MRPL44: variants seen among roughly 807,000 people sequenced by gnomAD.
MRPL44 encodes the protein large ribosomal subunit protein mL44.
MRPL44 carries 21 observed loss-of-function variants against 25.9 expected under a neutral mutation model. The ratio of observed to expected loss-of-function variants is 0.81; its 90% confidence interval spans 0.58 to 1.17. The LOEUF (loss-of-function observed/expected upper bound fraction) is 1.17, where lower values mean the gene tolerates loss of function less well. Among genes scored for constraint, MRPL44 ranks in the 50% most tolerant of loss-of-function variants. The probability of loss-of-function intolerance (pLI) is 0.00; values close to 1 mark genes in which losing one functional copy is unlikely to be tolerated. For synonymous variants in MRPL44, 169 were observed against 151.0 expected, an observed-to-expected ratio of 1.12 and a Z score of -0.87; for missense variants, 410 against 398.9, an observed-to-expected ratio of 1.03 and a Z score of -0.24.
chr2:223,958,300 C>T (rs1437557464), intron 1 of MRPL44, among the ~76,000 whole-genome samples: 1 of 152,086 alleles, frequency 6.6e-6, no homozygotes, highest in Admixed American at 6.5e-5. Flanking sequence ...CCTATGAGCT[C>T]CATATTATTG....
Position 223,967,160 on chromosome 2 carries a change from C to T in MRPL44, c.*126C>T. ...TTTGTTTCTGTTTTTTACTGTGTTCCCAAAATTAAATAAGTGTTAACCAAG... is the reference window on the plus strand; with the variant it reads ...TTTGTTTCTGTTTTTTACTGTGTTCTCAAAATTAAATAAGTGTTAACCAAG... On this transcript the variant is annotated 3_prime_UTR_variant, in exon 4 of 4. Coordinates refer to ENST00000258383, the MANE Select transcript of MRPL44 (RefSeq NM_022915.5). 1.0e-6 allele frequency: 1 copy of T among 960,136 alleles called. No individual in the cohort carries two copies. The highest frequency in any genetic ancestry group is 2.1e-5 in the South Asian group (1 of 46,700). 59.5% of individuals were successfully genotyped at this position (960,136 alleles called of 1,614,324 possible).
chr2:223,959,498 T>A (rs1316023655), intron 1 of MRPL44, 36 bp from the exon 2 acceptor site: 3 of 1,484,406 alleles, frequency 2.0e-6, no homozygotes, highest in Non-Finnish European at 2.8e-6. Context: ...AACAGGTTGT[T>A]CTCTTTACCA....
chr2:223,963,823 G>T lies in MRPL44; in HGVS notation c.716G>T (p.Gly239Val), dbSNP rs377218026. ...ATGTGGAAGATAATAAATCCCATGG[G>T]GCTATTGGTAGAAGAACTGAAGAAA... ...FEMWKIINPM[G>V]LLVEELKKRN... Residue 239 changes from glycine (G) to valine (V), a missense_variant, in exon 3 of 4, where the codon GGG becomes GTG. Gly to Val is a moderately radical substitution (Grantham distance 109). Coordinates refer to ENST00000258383, the MANE Select transcript of MRPL44 (RefSeq NM_022915.5). The T allele has an allele frequency of 6.8e-6, 11 of 1,613,722 alleles. No individual in the cohort carries two copies. The highest frequency in any genetic ancestry group is 8.5e-6 in the Non-Finnish European group (10 of 1,179,814).
upstream of MRPL44, among the ~76,000 whole-genome samples, chr2:223,957,175 T>C (rs1689575334): frequency 2.0e-5 from 3 of 152,128 alleles, no homozygotes; most frequent in South Asian, 6.2e-4. Context: ...AACAAGAGAG[T>C]GACAGGGTGA....
chr2:223,963,765 A>G lies in MRPL44; in HGVS notation c.658A>G (p.Ile220Val). ...ATATTTTTATATGCAGGACTTCTTA[A>G]TTACTCAAATGACTGGAAAAGAGCT... ...RTALFIRDFL[I>V]TQMTGKELFE... Residue 220 changes from isoleucine to valine, a missense_variant, in exon 3 of 4, where the codon ATT becomes GTT. Transcript: ENST00000258383. 6.3e-7 allele frequency: 1 copy of G among 1,589,136 alleles called. No individual in the cohort carries two copies. Among genetic ancestry groups the G allele is most frequent in the South Asian group, 1.2e-5 (1 of 85,618 alleles).
rs1689762465 is a variant in MRPL44, at chr2:223,967,477, C to T, written c.*443C>T. 1 of 153,390 alleles carries T rather than the reference C, an allele frequency of 6.5e-6. No homozygotes were observed. Among genetic ancestry groups the T allele is most frequent in the Admixed American group, 6.5e-5 (1 of 15,402 alleles). The allele number at this position is 153,390 out of a possible 1,614,324, so 9.5% of individuals were successfully genotyped here. A position where few individuals can be genotyped will look rare whatever the true frequency, so the allele number is the denominator to read the frequency against. On this transcript the variant is annotated 3_prime_UTR_variant, in exon 4 of 4. Transcript: ENST00000258383. ...TGAACTCCTGACCTCAGGTGATCCA[C>T]CCGCCTTGGCCTCCCAAAGTGCTGG...
chr2:223,952,653 GAACCTAACTTGATATGT>G (rs1450293208), upstream of MRPL44, among the ~76,000 whole-genome samples: 4 of 152,166 alleles, frequency 2.6e-5, no homozygotes, highest in African/African-American at 9.7e-5. Flanking sequence ...AGTACACAGT[GAACCTAACTTGATATGT>G]AACCTAACTT....
chr2:223,959,516 C>G lies in MRPL44; in HGVS notation c.180-18C>G. The G allele has an allele frequency of 1.9e-6, 3 of 1,575,294 alleles. No individual in the cohort carries two copies. In the Admixed American group the frequency reaches 5.5e-5, roughly 29 times the overall value. ...AGGTTGTTCTCTTTACCATCTCTTA[C>G]TGTCTTTACATTTTCAGTTCAGAGA... On this transcript the variant is annotated intron_variant, in intron 1 of 3. Coordinates refer to ENST00000258383, the MANE Select transcript of MRPL44 (RefSeq NM_022915.5).
upstream of MRPL44, chr2:223,957,267 T>G (rs16865355): frequency 0.019 from 11,788 of 621,940 alleles, 1,045 homozygotes; most frequent in African/African-American, 0.19. Context: ...AGGAGAGAAC[T>G]AGCGCAAGCG....
In MRPL44 at chr2:223,963,757, A is replaced by G; in HGVS notation, c.650A>G (p.Asp217Gly). Residue 217 changes from aspartate to glycine, a missense_variant and splice_region_variant, in exon 3 of 4, where the codon GAC becomes GGC. Transcript: ENST00000258383. ...GPERTALFIR[D>G]FLITQMTGKE... ...TATAAATTATATTTTTATATGCAGG[A>G]CTTCTTAATTACTCAAATGACTGGA... The G allele has an allele frequency of 1.3e-6, 2 of 1,570,440 alleles. No homozygotes were observed. Among genetic ancestry groups the G allele is most frequent in the Non-Finnish European group, 1.7e-6 (2 of 1,159,376 alleles).
chr2:223,955,782 T>A (rs370444823), upstream of MRPL44, among the ~76,000 whole-genome samples: 5 of 152,328 alleles, frequency 3.3e-5, no homozygotes, highest in East Asian at 1.9e-4. Flanking sequence ...GAAAAACACA[T>A]TGGCCTTTTT....
At chr2:223,960,416 A>G (rs900776004) in intron 2 of MRPL44, among the ~76,000 whole-genome samples, 4 of 151,860 alleles carry the variant, frequency 2.6e-5, no homozygotes, top group Non-Finnish European at 5.9e-5. Flanking sequence ...CTAATGTAAA[A>G]CTCTTTGTTA....
At chr2:223,961,507 A>C (rs907232608) in intron 2 of MRPL44, among the ~76,000 whole-genome samples, 1 of 152,216 alleles carries the variant, frequency 6.6e-6, no homozygotes, top group African/African-American at 2.4e-5. Flanking sequence ...ACCCCCTCAG[A>C]GTACATAATC....
At chr2:223,957,448 G>A (rs747853187), upstream of MRPL44, 1 of 1,613,988 alleles carries the variant, frequency 6.2e-7, no homozygotes, top group African/African-American at 1.3e-5. Context: ...CTTTCGTTCC[G>A]TCTTCCATCG....
intron 1 of MRPL44, among the ~76,000 whole-genome samples, chr2:223,958,782 G>A (rs1388544374): frequency 1.3e-5 from 2 of 152,162 alleles, no homozygotes; most frequent in African/African-American, 4.8e-5. Flanking sequence ...AATAAAACGA[G>A]TCACATGACT....
intron 1 of MRPL44, among the ~76,000 whole-genome samples, chr2:223,957,886 C>G (rs1208303342): frequency 6.6e-6 from 1 of 152,158 alleles, no homozygotes; most frequent in Non-Finnish European, 1.5e-5. Context: ...AGGATTTTGG[C>G]TACTGAAAAT....
chr2:223,951,479 T>TTTTTTTTTGTTTTGTTTTTTG, the MRPL44 span, among the ~76,000 whole-genome samples: 5 of 71,190 alleles, frequency 7.0e-5, no homozygotes, highest in African/African-American at 2.7e-4. Context: ...TACCTTGGAG[T>TTTTTTTTTGTTTTGTTTTTTG]TTTTTTTTTT....
At position 223,959,882 on chromosome 2, in the gene MRPL44, G is replaced by A; in HGVS notation, c.528G>A (p.Glu176=). 6.2e-7 allele frequency: 1 copy of A among 1,614,200 alleles called. No individual in the cohort carries two copies. The highest frequency in any genetic ancestry group is 1.1e-5 in the South Asian group (1 of 91,084). ...ACGTGGCTAGAAACTTGGCTGTGGA[G>A]CAGTTAACACTGAGTGAAGAATTCC... The part of the protein sequence containing the change: ...VCHVARNLAV[E]QLTLSEEFPV... Residue 176 remains glutamate, a synonymous_variant, in exon 2 of 4, where the codon GAG becomes GAA. Transcript: ENST00000258383.
At chr2:223,964,010 C>T in intron 3 of MRPL44, 76 bp downstream of exon 3, 1 of 1,155,126 alleles carries the variant, frequency 8.7e-7, no homozygotes. Flanking sequence ...GCCTTAAAAA[C>T]ACTCTTCACA....
Sources: gnomAD v4.1 joint callset for allele counts (sites outside exome capture counted in the v4.1 genomes callset) on GRCh38, gnomAD v4.1.1 for gene constraint, MANE v1.5 for transcripts, NCBI Gene and HGNC (gene_info 2026-07-23, HGNC 2026-07-21) for gene names.